Variants in KHDRBS2 observed in about 807,000 individuals in gnomAD.
KHDRBS2 encodes KH RNA binding domain containing, signal transduction associated 2, also known as KH domain-containing, RNA-binding, signal transduction-associated protein 2.
KHDRBS2 carries 26 observed loss-of-function variants against 44.3 expected under a neutral mutation model. That is an observed-to-expected ratio of 0.59 (90% CI 0.43 to 0.81). KHDRBS2 has a LOEUF of 0.81. KHDRBS2 is among the 40% of genes least tolerant of loss of function. The probability of loss-of-function intolerance (pLI) is 0.00; values close to 1 mark genes in which losing one functional copy is unlikely to be tolerated. For missense variants in KHDRBS2, 476 were observed against 433.1 expected (o/e 1.10, Z -0.88); for synonymous variants, 194 against 151.1 (o/e 1.28, Z -2.08).
intron 4 of KHDRBS2, among the ~76,000 whole-genome samples, chr6:61,965,173 C>G (rs185297968): frequency 9.2e-5 from 14 of 152,134 alleles, no homozygotes; most frequent in Admixed American, 3.9e-4. Context: ...CCACTCTGCT[C>G]TGGGAGGGCT....
chr6:61,820,315 G>A (rs184069346), intron 6 of KHDRBS2, among the ~76,000 whole-genome samples: 15 of 152,102 alleles, frequency 9.9e-5, no homozygotes, highest in South Asian at 2.1e-4. Flanking sequence ...TTCAGGATGC[G>A]TTTTGTAAGT....
At chr6:62,143,456 T>A (rs1350565479) in intron 2 of KHDRBS2, among the ~76,000 whole-genome samples, 12 of 152,006 alleles carry the variant, frequency 7.9e-5, no homozygotes, top group Admixed American at 7.9e-4. Flanking sequence ...TAACTTTGCA[T>A]TGGGCTGCAA....
intron 3 of KHDRBS2, among the ~76,000 whole-genome samples, chr6:62,043,838 A>G (rs1787078653): frequency 6.6e-6 from 1 of 152,066 alleles, no homozygotes; most frequent in Admixed American, 6.6e-5. Flanking sequence ...GTATTTTCTT[A>G]TGTAAGGATT....
chr6:61,849,278 A>G lies in KHDRBS2; in HGVS notation c.810+45357T>C, dbSNP rs143350267. Among the ~76,000 whole-genome samples, 1,228 of 152,246 alleles carry G rather than the reference A, an allele frequency of 8.1e-3. 10 individuals are homozygous for G. The highest frequency in any genetic ancestry group is 0.011 in the Non-Finnish European group (769 of 67,964). ...TCACTGGTTCTCTAATTAATTAATT[A>G]GTTAAATAGAATTCTTGACACAGGT... is the stretch of plus-strand genomic sequence containing the variant. On this transcript the variant is annotated intron_variant, in intron 6 of 8. Transcript: ENST00000281156.
intron 1 of KHDRBS2, among the ~76,000 whole-genome samples, chr6:62,266,967 C>T (rs759533499): frequency 2.0e-5 from 3 of 151,972 alleles, no homozygotes; most frequent in Non-Finnish European, 4.4e-5. Context: ...GGCATCTTAG[C>T]TAGTTTCAGT....
chr6:62,163,251 C>T (rs1818011441), intron 2 of KHDRBS2, among the ~76,000 whole-genome samples: 2 of 152,000 alleles, frequency 1.3e-5, no homozygotes, highest in African/African-American at 2.4e-5. Flanking sequence ...TAAAGACAGA[C>T]TTTAATTCCC....
At chr6:61,836,618 C>T (rs1792723939) in intron 6 of KHDRBS2, among the ~76,000 whole-genome samples, 1 of 151,978 alleles carries the variant, frequency 6.6e-6, no homozygotes. Context: ...TGTATTCAGA[C>T]ATCAGTGCTA....
intron 6 of KHDRBS2, among the ~76,000 whole-genome samples, chr6:61,776,696 T>C (rs1256733042): frequency 6.6e-6 from 1 of 152,192 alleles, no homozygotes; most frequent in Non-Finnish European, 1.5e-5. Context: ...GGTGGGACTG[T>C]AAACTACTTC....
chr6:62,278,725 A>G (rs1841360100), intron 1 of KHDRBS2, among the ~76,000 whole-genome samples: 1 of 152,196 alleles, frequency 6.6e-6, no homozygotes. Flanking sequence ...TGACATTTCA[A>G]TGGTTTTCTT....
chr6:61,679,220 T>C (rs1766108963), downstream of KHDRBS2, among the ~76,000 whole-genome samples: 1 of 151,892 alleles, frequency 6.6e-6, no homozygotes, highest in Non-Finnish European at 1.5e-5. Context: ...ATCAAGTCTT[T>C]CACTTTCTTT....
At chr6:61,919,690 C>T (rs1048259518) in intron 4 of KHDRBS2, among the ~76,000 whole-genome samples, 1 of 151,572 alleles carries the variant, frequency 6.6e-6, no homozygotes, top group Non-Finnish European at 1.5e-5. Flanking sequence ...GCCATGTTCA[C>T]TGTGATGTAA....
At chr6:61,595,790 CAT>C in the KHDRBS2 span, among the ~76,000 whole-genome samples, 1 of 151,610 alleles carries the variant, frequency 6.6e-6, no homozygotes, top group Non-Finnish European at 1.5e-5. Flanking sequence ...TATAAACAAA[CAT>C]ATTAATAACT....
intron 6 of KHDRBS2, among the ~76,000 whole-genome samples, chr6:61,831,100 TC>T (rs1272660841): frequency 6.6e-6 from 1 of 152,148 alleles, no homozygotes; most frequent in Non-Finnish European, 1.5e-5. Flanking sequence ...GGTCAGAAGA[TC>T]AGTGCTTTTC....
At chr6:62,210,381 A>T (rs573028469) in intron 1 of KHDRBS2, among the ~76,000 whole-genome samples, 128 of 139,076 alleles carry the variant, frequency 9.2e-4, no homozygotes, top group African/African-American at 3.3e-3. Context: ...CCTAGGCTGG[A>T]GTTTGATGGC....
intron 2 of KHDRBS2, among the ~76,000 whole-genome samples, chr6:62,076,194 G>C (rs1186304572): frequency 6.6e-6 from 1 of 151,852 alleles, no homozygotes. Flanking sequence ...GATAAAAATG[G>C]ATTAAAACAC....
At chr6:62,202,726 A>G (rs1333514913) in intron 1 of KHDRBS2, among the ~76,000 whole-genome samples, 1 of 152,102 alleles carries the variant, frequency 6.6e-6, no homozygotes, top group African/African-American at 2.4e-5. Flanking sequence ...TGATCATGGT[A>G]AGTGCCACTA....
At chr6:61,781,572 C>A (rs1052019600) in intron 6 of KHDRBS2, among the ~76,000 whole-genome samples, 1 of 152,092 alleles carries the variant, frequency 6.6e-6, no homozygotes, top group African/African-American at 2.4e-5. Context: ...TTTTTTATAA[C>A]CTTTTCTCCC....
chr6:61,764,232 T>C (rs941154472), intron 6 of KHDRBS2, among the ~76,000 whole-genome samples: 2 of 152,240 alleles, frequency 1.3e-5, no homozygotes, highest in African/African-American at 4.8e-5. Context: ...CAGTCTATCA[T>C]TGATGGGCAT....
chr6:61,954,820 A>G lies in KHDRBS2; in HGVS notation c.483+23246T>C, dbSNP rs1339538285. On this transcript the variant is annotated intron_variant, in intron 4 of 8. Transcript: ENST00000281156. ...TATGTATGTATACATACGCATGTGT[A>G]TATACACATGCATATGTATGTATAC... Among the ~76,000 whole-genome samples the G allele has an allele frequency of 3.7e-5, 4 of 107,798 alleles. 1 individual carries two copies. The highest frequency in any genetic ancestry group is 1.5e-4 in the African/African-American group (4 of 26,294). The allele number at this position is 107,798 out of a possible 152,430, so 70.7% of individuals were successfully genotyped here.
Sources: allele counts gnomAD v4.1 joint callset (sites outside exome capture counted in the v4.1 genomes callset), GRCh38; gene constraint gnomAD v4.1.1; transcripts MANE v1.5; gene names NCBI Gene and HGNC (gene_info 2026-07-23, HGNC 2026-07-21).